ZMIZ1: variants seen among roughly 807,000 people sequenced by gnomAD.
ZMIZ1 encodes the protein zinc finger MIZ domain-containing protein 1.
In ZMIZ1, 17 loss-of-function variants were observed where a neutral mutation model predicts 113.9. That is an observed-to-expected ratio of 0.15 (90% confidence interval 0.10 to 0.22). The LOEUF is 0.22. Ranked by LOEUF, ZMIZ1 falls within the 10% of genes least tolerant of loss-of-function variation. The probability of loss-of-function intolerance (pLI) is 1.00; values close to 1 mark genes in which losing one functional copy is unlikely to be tolerated. For missense variants in ZMIZ1, 1,059 were observed against 1,477.8 expected (o/e 0.72, Z 4.65); for synonymous variants, 607 against 603.1 (o/e 1.01, Z -0.09).
chr10:79,097,973 A>G (rs1843229343), intron 1 of ZMIZ1, among the ~76,000 whole-genome samples: 2 of 152,128 alleles, frequency 1.3e-5, no homozygotes, highest in South Asian at 4.2e-4. Context: ...TCTGTGGATC[A>G]CTCAGGCACT....
chr10:79,133,524 A>G (rs1844862330), intron 2 of ZMIZ1, among the ~76,000 whole-genome samples: 1 of 152,226 alleles, frequency 6.6e-6, no homozygotes, highest in African/African-American at 2.4e-5. Flanking sequence ...AGAGACAGAC[A>G]AGAGTATAAA....
intron 4 of ZMIZ1, among the ~76,000 whole-genome samples, chr10:79,186,785 A>AT (rs927361417): frequency 1.3e-5 from 2 of 152,212 alleles, no homozygotes; most frequent in Admixed American, 1.3e-4. Context: ...CTTCATTTCA[A>AT]TACCTTCTCC....
chr10:79,098,653 C>T (rs1442930021), intron 1 of ZMIZ1, among the ~76,000 whole-genome samples: 7 of 152,206 alleles, frequency 4.6e-5, no homozygotes, highest in African/African-American at 9.7e-5. Context: ...GTGGGGCATC[C>T]GCACTCATAC....
chr10:79,292,367 C>G lies in ZMIZ1; in HGVS notation c.957+11C>G. The G allele has an allele frequency of 6.3e-7, 1 of 1,596,772 alleles. No homozygotes were observed. Among genetic ancestry groups the G allele is most frequent in the Non-Finnish European group, 8.6e-7 (1 of 1,166,636 alleles). ...AACCAGTATGGACCGGTAAGGGTTC[C>G]CACTAATCCTGGTCCAGCCTTGCCC... On this transcript the variant is annotated intron_variant, in intron 11 of 24. Coordinates refer to ENST00000334512, the MANE Select transcript of ZMIZ1 (RefSeq NM_020338.4).
chr10:79,221,105 C>T (rs1056873082), intron 7 of ZMIZ1, among the ~76,000 whole-genome samples: 4 of 152,140 alleles, frequency 2.6e-5, no homozygotes, highest in East Asian at 1.9e-4. Context: ...GTCGCCCTGG[C>T]GCTGCATCCC....
chr10:79,176,559 G>A (rs991337115), intron 4 of ZMIZ1, among the ~76,000 whole-genome samples: 1 of 152,020 alleles, frequency 6.6e-6, no homozygotes, highest in Non-Finnish European at 1.5e-5. Context: ...ATAACATTCG[G>A]TGCACACTGG....
chr10:79,156,272 G>A (rs568192935), intron 3 of ZMIZ1, among the ~76,000 whole-genome samples: 42 of 152,266 alleles, frequency 2.8e-4, no homozygotes, highest in Non-Finnish European at 4.1e-4. Flanking sequence ...AGACCCCCCC[G>A]CTGCTCTTCC....
intron 4 of ZMIZ1, among the ~76,000 whole-genome samples, chr10:79,168,652 T>C (rs912432513): frequency 6.6e-6 from 1 of 152,240 alleles, no homozygotes; most frequent in African/African-American, 2.4e-5. Context: ...ATTCGGAGGC[T>C]GTGTGCGGAC....
At chr10:79,087,746 C>T (rs574465735) in intron 1 of ZMIZ1, among the ~76,000 whole-genome samples, 1 of 152,324 alleles carries the variant, frequency 6.6e-6, no homozygotes, top group Admixed American at 6.5e-5. Flanking sequence ...GTGCTTTGCA[C>T]GTTGTGTTCC....
intron 1 of ZMIZ1, among the ~76,000 whole-genome samples, chr10:79,110,694 C>T (rs1242523254): frequency 6.6e-6 from 1 of 152,214 alleles, no homozygotes; most frequent in African/African-American, 2.4e-5. Context: ...ATGGTGGCTG[C>T]ACCACAGCTG....
At chr10:79,172,784 T>G (rs1252854581) in intron 4 of ZMIZ1, among the ~76,000 whole-genome samples, 1 of 152,232 alleles carries the variant, frequency 6.6e-6, no homozygotes, top group African/African-American at 2.4e-5. Context: ...AAGTTTTCCA[T>G]TATCAAACTT....
In ZMIZ1 at chr10:79,304,049, G is replaced by A. The variant is rs147064960; in HGVS notation, c.2160G>A (p.Ser720=). 61 of 1,614,022 alleles carry A rather than the reference G, an allele frequency of 3.8e-5. No homozygotes were observed. The highest frequency in any genetic ancestry group is 4.7e-5 in the Non-Finnish European group (56 of 1,180,050). ...ATTTCAGCAGCGTGGCTGCCTCCTCGGGCAACACGACCCTCAACGGGGAGG... is the reference window on the plus strand; with the variant it reads ...ATTTCAGCAGCGTGGCTGCCTCCTCAGGCAACACGACCCTCAACGGGGAGG... The part of the protein sequence containing the change: ...KRNFSSVAAS[S]GNTTLNGEDG... The change falls in exon 19 of 25, where the codon TCG becomes TCA. Residue 720 remains serine (S), a synonymous_variant. Transcript: ENST00000334512.
At chr10:79,237,977 TCAGTTAGC>T (rs1849660917) in intron 7 of ZMIZ1, among the ~76,000 whole-genome samples, 2 of 152,140 alleles carry the variant, frequency 1.3e-5, no homozygotes, top group African/African-American at 4.8e-5. Context: ...CTGCAGCGCC[TCAGTTAGC>T]CAGGAGAGCA....
intron 2 of ZMIZ1, among the ~76,000 whole-genome samples, chr10:79,127,881 C>A (rs1844585575): frequency 6.6e-6 from 1 of 152,166 alleles, no homozygotes; most frequent in African/African-American, 2.4e-5. Flanking sequence ...AGGGCCTCCT[C>A]CCTCTTGAAT....
chr10:79,281,810 G>A (rs1852756918), intron 8 of ZMIZ1, among the ~76,000 whole-genome samples: 1 of 152,226 alleles, frequency 6.6e-6, no homozygotes, highest in Non-Finnish European at 1.5e-5. Flanking sequence ...CCCAGAGTAG[G>A]AAAGTGAATT....
rs755524855 is a variant in ZMIZ1, at chr10:79,108,302, G to T, written c.-336-10613G>T. On this transcript the variant is annotated intron_variant, in intron 1 of 24. Coordinates refer to ENST00000334512, the MANE Select transcript of ZMIZ1 (RefSeq NM_020338.4). Reference sequence around the variant, plus strand: ...AGGGGAAGTGAGGCTGGGAGAAGGGGTGGTGGGACTCATCCGAGGTGGAGC... The same window carrying T: ...AGGGGAAGTGAGGCTGGGAGAAGGGTTGGTGGGACTCATCCGAGGTGGAGC... 2.3e-4 allele frequency among the ~76,000 whole-genome samples: 35 copies of T among 152,186 alleles called. 1 individual carries two copies. The highest frequency in any genetic ancestry group is 7.0e-4 in the African/African-American group (29 of 41,428).
rs76222302 is a variant in ZMIZ1 at position 79,195,826 on chromosome 10, G to A, written c.-49-5758G>A. On this transcript the variant is annotated intron_variant, in intron 4 of 24. Transcript: ENST00000334512. ...GAACAGCACATTAACAGCTGGAAAG[G>A]TAGAGGGTTTGAATCTCAGCCCAGC... 8.1e-4 allele frequency among the ~76,000 whole-genome samples: 124 copies of A among 152,326 alleles called. 2 individuals carry two copies. In the East Asian group the frequency reaches 0.02, roughly 24 times the overall value.
intron 3 of ZMIZ1, among the ~76,000 whole-genome samples, chr10:79,150,213 C>G (rs995438821): frequency 6.6e-6 from 1 of 152,226 alleles, no homozygotes; most frequent in African/African-American, 2.4e-5. Flanking sequence ...AGTGGCCACC[C>G]GCCCACCCAA....
chr10:79,195,990 C>G (rs1847816659), intron 4 of ZMIZ1, among the ~76,000 whole-genome samples: 1 of 152,058 alleles, frequency 6.6e-6, no homozygotes, highest in Non-Finnish European at 1.5e-5. Context: ...TCCCAGCCTG[C>G]CCCTCAACAA....
Sources: allele counts gnomAD v4.1 joint callset (sites outside exome capture counted in the v4.1 genomes callset), GRCh38; gene constraint gnomAD v4.1.1; transcripts MANE v1.5; gene names NCBI Gene and HGNC (gene_info 2026-07-23, HGNC 2026-07-21).